ABLIM1: variants seen among roughly 807,000 people sequenced by gnomAD.
ABLIM1 encodes actin binding LIM protein 1.
ABLIM1 carries 40 observed loss-of-function variants against 107.0 expected under a neutral mutation model. That is an observed-to-expected ratio of 0.37 (90% CI 0.29 to 0.49). ABLIM1 has a LOEUF of 0.49. Ranked by LOEUF, ABLIM1 falls within the 20% of genes least tolerant of loss-of-function variation. The pLI, the probability that ABLIM1 is intolerant of heterozygous loss-of-function variation, is 0.97. For missense variants in ABLIM1, 857 were observed against 1,008.5 expected, an observed-to-expected ratio of 0.85 and a Z score of 2.04; for synonymous variants, 357 against 357.3, an observed-to-expected ratio of 1.00 and a Z score of 0.01.
intron 1 of ABLIM1, among the ~76,000 whole-genome samples, chr10:114,708,454 C>T (rs1389750592): frequency 2.0e-5 from 3 of 152,144 alleles, no homozygotes; most frequent in African/African-American, 7.2e-5. Context: ...ACCCTCCTTC[C>T]CTGGGACCCC....
chr10:114,508,303 A>G (rs777438175), intron 6 of ABLIM1, among the ~76,000 whole-genome samples: 14 of 152,214 alleles, frequency 9.2e-5, no homozygotes, highest in Non-Finnish European at 1.5e-5. Flanking sequence ...GGCTGGGTTA[A>G]TATCTCCATT....
At chr10:114,739,478 A>T (rs1292791791) in intron 1 of ABLIM1, among the ~76,000 whole-genome samples, 1 of 152,248 alleles carries the variant, frequency 6.6e-6, no homozygotes, top group East Asian at 1.9e-4. Context: ...TCAATGAAAA[A>T]AGAACAATGT....
At chr10:114,564,595 C>T (rs1483334154) in intron 4 of ABLIM1, among the ~76,000 whole-genome samples, 1 of 152,092 alleles carries the variant, frequency 6.6e-6, no homozygotes, top group Non-Finnish European at 1.5e-5. Context: ...TACAGGTCCC[C>T]TCTCCCCATT....
At chr10:114,779,287 AC>A in the ABLIM1 span, 1 of 152,196 alleles carries the variant, frequency 6.6e-6, no homozygotes, top group African/African-American at 2.4e-5. Context: ...CCTCCAATTT[AC>A]AAAGGAGGAA....
intron 8 of ABLIM1, among the ~76,000 whole-genome samples, chr10:114,475,668 T>C: frequency 6.6e-6 from 1 of 152,162 alleles, no homozygotes; most frequent in East Asian, 1.9e-4. Flanking sequence ...GAGGTAAGGC[T>C]GGTGGGTCGG....
intron 1 of ABLIM1, among the ~76,000 whole-genome samples, chr10:114,634,905 G>C (rs2078402898): frequency 6.6e-6 from 1 of 152,148 alleles, no homozygotes; most frequent in African/African-American, 2.4e-5. Flanking sequence ...AATTGTTTTT[G>C]CCTCTTTGCC....
intron 1 of ABLIM1, among the ~76,000 whole-genome samples, chr10:114,723,936 A>G (rs1015045144): frequency 1.3e-5 from 2 of 152,126 alleles, no homozygotes; most frequent in South Asian, 2.1e-4. Context: ...ATGTTTTTCA[A>G]TTCTCTTCTG....
intron 12 of ABLIM1, among the ~76,000 whole-genome samples, chr10:114,454,688 A>G (rs1208000599): frequency 6.6e-6 from 1 of 152,228 alleles, no homozygotes; most frequent in Non-Finnish European, 1.5e-5. Context: ...GCAAAATTAG[A>G]AAGAGATTTG....
the ABLIM1 span, among the ~76,000 whole-genome samples, chr10:114,784,794 T>C: frequency 1.3e-5 from 2 of 151,456 alleles, no homozygotes; most frequent in African/African-American, 4.9e-5. Flanking sequence ...ACTGAATAAG[T>C]GGAGAGGGTA....
intron 12 of ABLIM1, among the ~76,000 whole-genome samples, chr10:114,461,071 GT>G (rs199573285): frequency 7.5e-5 from 11 of 147,030 alleles, no homozygotes; most frequent in Non-Finnish European, 9.0e-5. Flanking sequence ...TCTTTCTTTT[GT>G]TTTTTTTTTG....
chr10:114,663,176 G>A (rs2079867836), upstream of ABLIM1, among the ~76,000 whole-genome samples: 1 of 152,148 alleles, frequency 6.6e-6, no homozygotes, highest in Non-Finnish European at 1.5e-5. Context: ...GGAACTTTCT[G>A]AAAATCCACC....
chr10:114,469,503 C>A lies in ABLIM1; in HGVS notation c.1276-1287G>T, dbSNP rs575008606. The stretch of plus-strand genomic sequence containing the variant: ...CACCCAGACACCTGCAGGGCTCATT[C>A]CCTGTCAGCGCTGATGTCTCTGCTC... On this transcript the variant is annotated intron_variant, in intron 10 of 22. Transcript: ENST00000533213. Among the ~76,000 whole-genome samples the A allele has an allele frequency of 2.6e-5, 4 of 152,324 alleles. No homozygotes were observed. The South Asian group carries it at 6.2e-4, about 24-fold the overall frequency.
At chr10:114,554,780 C>T (rs2068515863) in intron 4 of ABLIM1, among the ~76,000 whole-genome samples, 2 of 152,144 alleles carry the variant, frequency 1.3e-5, no homozygotes, top group African/African-American at 4.8e-5. Flanking sequence ...AATAAGTCTT[C>T]ACTGTTTTGT....
upstream of ABLIM1, among the ~76,000 whole-genome samples, chr10:114,772,082 A>G (rs2083031143): frequency 2.6e-5 from 4 of 152,172 alleles, no homozygotes; most frequent in South Asian, 8.3e-4. Flanking sequence ...TTAAAGGCAC[A>G]CTGAACTACT....
intron 1 of ABLIM1, among the ~76,000 whole-genome samples, chr10:114,727,000 C>T (rs217186): frequency 2.6e-5 from 4 of 152,112 alleles, no homozygotes. Context: ...TCAGTGTGAA[C>T]CCATGCAAAG....
chr10:114,773,132 A>T, the ABLIM1 span, among the ~76,000 whole-genome samples: 3 of 152,064 alleles, frequency 2.0e-5, no homozygotes, highest in Non-Finnish European at 4.4e-5. Flanking sequence ...CCTAAGAAAC[A>T]ATTTTAAAAT....
At chr10:114,550,040 GATA>G (rs2067855213) in intron 4 of ABLIM1, among the ~76,000 whole-genome samples, 1 of 152,090 alleles carries the variant, frequency 6.6e-6, no homozygotes, top group African/African-American at 2.4e-5. Context: ...TTTAAACCAT[GATA>G]ATGTAAAAAA....
chr10:114,768,822 C>T (rs2082967074), upstream of ABLIM1, among the ~76,000 whole-genome samples: 2 of 152,092 alleles, frequency 1.3e-5, no homozygotes, highest in Non-Finnish European at 2.9e-5. Flanking sequence ...GGGGCTGGGC[C>T]GGGCTGGTGA....
At chr10:114,658,695 A>G (rs936284903), upstream of ABLIM1, among the ~76,000 whole-genome samples, 4 of 152,178 alleles carry the variant, frequency 2.6e-5, no homozygotes, top group Non-Finnish European at 5.9e-5. Context: ...AGGCTCGATA[A>G]AGATCCTCAG....
Sources: allele counts gnomAD v4.1 joint callset (sites outside exome capture counted in the v4.1 genomes callset), GRCh38; gene constraint gnomAD v4.1.1; transcripts MANE v1.5; gene names NCBI Gene and HGNC (gene_info 2026-07-23, HGNC 2026-07-21).